Variants in SDC4 observed in about 807,000 individuals in gnomAD.
The protein encoded by SDC4 is syndecan 4.
Under a neutral mutation model 20.5 loss-of-function variants are expected in SDC4, and 17 were observed. The ratio of observed to expected loss-of-function variants is 0.83; its 90% CI spans 0.57 to 1.25. SDC4 has a LOEUF of 1.25. Ranked by LOEUF, SDC4 falls within the 50% of genes most tolerant of loss-of-function variation. SDC4 has a pLI of 0.00. For synonymous variants in SDC4, 107 were observed against 105.3 expected, an observed-to-expected ratio of 1.02 and a Z score of -0.10; for missense variants, 241 against 252.3, an observed-to-expected ratio of 0.96 and a Z score of 0.30.
chr20:45,335,865 G>A lies in SDC4; in HGVS notation c.116C>T (p.Ser39Phe). Residue 39 changes from serine (S) to phenylalanine (F), a missense_variant, in exon 2 of 5, where the codon TCC becomes TTC. Ser to Phe is a radical substitution (Grantham distance 155, BLOSUM62 -2). Coordinates refer to ENST00000372733, the MANE Select transcript of SDC4 (RefSeq NM_002999.4). The part of the protein sequence containing the change: ...PQDLLEGRYF[S>F]GALPDDEDVV... ...ATCCTCATCGTCTGGTAGGGCTCCG[G>A]AGAAGTATCGGCCTTCTAGGAGGTC... The A allele has an allele frequency of 6.2e-7, 1 of 1,613,994 alleles. No homozygotes were observed. Among genetic ancestry groups the A allele is most frequent in the Non-Finnish European group, 8.5e-7 (1 of 1,179,986 alleles).
chr20:45,336,046 G>A (rs1425519145), intron 1 of SDC4, 126 bp from the exon 2 acceptor site: 12 of 964,068 alleles, frequency 1.2e-5, no homozygotes, highest in African/African-American at 4.9e-5. Flanking sequence ...GGAGACCTGC[G>A]TCCTGGATCC....
At chr20:45,342,406 A>G (rs1987966481) in intron 1 of SDC4, among the ~76,000 whole-genome samples, 1 of 152,222 alleles carries the variant, frequency 6.6e-6, no homozygotes, top group Non-Finnish European at 1.5e-5. Flanking sequence ...CCCAGAGGCT[A>G]GAGTGACACC....
rs1176943228 is a variant in SDC4 at position 45,329,664 on chromosome 20, C to G, written c.445+702G>C. Among the ~76,000 whole-genome samples, 6 of 152,298 alleles carry G rather than the reference C, an allele frequency of 3.9e-5. No homozygotes were observed. In the East Asian group the frequency reaches 7.7e-4, roughly 20 times the overall value. ...GAGACAGGAGTTACCCAGCATGGGC[C>G]CAGGGTGCCCACTTGCCAGGCCGGT... On this transcript the variant is annotated intron_variant, in intron 4 of 4. Transcript: ENST00000372733.
At chr20:45,327,924 C>T (rs140827901) in intron 4 of SDC4, among the ~76,000 whole-genome samples, 150 of 152,352 alleles carry the variant, frequency 9.8e-4, no homozygotes, top group African/African-American at 3.5e-3. Context: ...CGTGAGCCAC[C>T]GCACTCGGCC....
At chr20:45,341,810 C>T (rs1026004179) in intron 1 of SDC4, among the ~76,000 whole-genome samples, 1 of 152,194 alleles carries the variant, frequency 6.6e-6, no homozygotes, top group South Asian at 2.1e-4. Flanking sequence ...AGGGTGCCAG[C>T]TAGAAATGGG....
At chr20:45,339,495 T>C (rs1051028597) in intron 1 of SDC4, among the ~76,000 whole-genome samples, 2 of 152,222 alleles carry the variant, frequency 1.3e-5, no homozygotes, top group African/African-American at 4.8e-5. Flanking sequence ...AGTGGCTTAA[T>C]CCCAACATTT....
chr20:45,344,426 C>CGCTAGCATGCAGTGACT (rs1315305899), intron 1 of SDC4, among the ~76,000 whole-genome samples: 1 of 152,214 alleles, frequency 6.6e-6, no homozygotes, highest in African/African-American at 2.4e-5. Context: ...AGGCAGGCTA[C>CGCTAGCATGCAGTGACT]GCTAGCATGC....
intron 1 of SDC4, among the ~76,000 whole-genome samples, chr20:45,341,745 G>T (rs1482461847): frequency 6.6e-6 from 1 of 152,116 alleles, no homozygotes; most frequent in Non-Finnish European, 1.5e-5. Flanking sequence ...CCTGCAACCA[G>T]CTTTTCACCA....
intron 4 of SDC4, among the ~76,000 whole-genome samples, chr20:45,328,432 C>G (rs925481534): frequency 5.9e-5 from 9 of 152,190 alleles, no homozygotes; most frequent in African/African-American, 2.2e-4. Context: ...TCTCAAGATT[C>G]ATTAACTGTA....
At position 45,325,706 on chromosome 20, in the gene SDC4, G is replaced by C. The variant is rs931291129; in HGVS notation, c.*1558C>G. ...CTCGTTAAGCCAGTTTAGTTCTCTA[G>C]AATAGTGCTGTCCAACAGATGGACA... On this transcript the variant is annotated 3_prime_UTR_variant, in exon 5 of 5. Coordinates refer to ENST00000372733, the MANE Select transcript of SDC4 (RefSeq NM_002999.4). The C allele has an allele frequency of 2.6e-5, 4 of 151,326 alleles. No homozygotes were observed. Among genetic ancestry groups the C allele is most frequent in the African/African-American group, 9.8e-5 (4 of 40,938 alleles). The allele number at this position is 151,326 out of a possible 1,614,324, so 9.4% of individuals were successfully genotyped here.
At chr20:45,341,277 G>C (rs1037712481) in intron 1 of SDC4, among the ~76,000 whole-genome samples, 1 of 152,212 alleles carries the variant, frequency 6.6e-6, no homozygotes, top group Admixed American at 6.5e-5. Context: ...CCTGGGGACA[G>C]GGAGATGGTG....
chr20:45,347,008 T>C (rs529970344), intron 1 of SDC4, among the ~76,000 whole-genome samples: 1 of 152,234 alleles, frequency 6.6e-6, no homozygotes. Flanking sequence ...TCAGGACCAG[T>C]TTAAGAACAG....
chr20:45,333,499 T>C (rs969678087), intron 2 of SDC4, among the ~76,000 whole-genome samples: 1 of 152,174 alleles, frequency 6.6e-6, no homozygotes, highest in African/African-American at 2.4e-5. Context: ...TGAAACCCCG[T>C]CTCTGCTGAA....
At chr20:45,330,894 T>C (rs1239040985) in intron 3 of SDC4, among the ~76,000 whole-genome samples, 1 of 152,246 alleles carries the variant, frequency 6.6e-6, no homozygotes, top group Non-Finnish European at 1.5e-5. Flanking sequence ...GCTTGCCCTT[T>C]AAGGTGGCAG....
At chr20:45,336,775 G>A (rs990269107) in intron 1 of SDC4, among the ~76,000 whole-genome samples, 2 of 151,948 alleles carry the variant, frequency 1.3e-5, no homozygotes, top group East Asian at 3.9e-4. Flanking sequence ...AGTCAGTCTG[G>A]GCCGGGACAG....
At chr20:45,336,800 C>T (rs1319166583) in intron 1 of SDC4, among the ~76,000 whole-genome samples, 1 of 152,078 alleles carries the variant, frequency 6.6e-6, no homozygotes, top group African/African-American at 2.4e-5. Flanking sequence ...GGCTGCCTCA[C>T]GCACACCCTA....
At chr20:45,335,695 G>C in intron 2 of SDC4, 87 bp downstream of exon 2, 1 of 1,424,312 alleles carries the variant, frequency 7.0e-7, no homozygotes, top group Non-Finnish European at 9.6e-7. Flanking sequence ...AAAAATCCAA[G>C]TCTCAAGGCA....
Position 45,326,383 on chromosome 20 carries a change from TAAAAAAAAAA to T in SDC4, c.*871_*880del, listed in dbSNP as rs35186241. On this transcript the variant is annotated 3_prime_UTR_variant, in exon 5 of 5. Transcript: ENST00000372733. ...AGGCCCTATCTAAAGCTATAAATAG[TAAAAAAAAAA>T]AAAAAAAAAAAAAATTAATAAAAAT... 1.0e-5 allele frequency: 1 copy of T among 97,708 alleles called. No homozygotes were observed. The highest frequency in any genetic ancestry group is 2.0e-5 in the Non-Finnish European group (1 of 49,042). The allele number at this position is 97,708 out of a possible 1,614,324, so 6.1% of individuals were successfully genotyped here.
intron 1 of SDC4, among the ~76,000 whole-genome samples, chr20:45,343,339 C>A (rs765730980): frequency 3.9e-5 from 6 of 152,134 alleles, no homozygotes; most frequent in Non-Finnish European, 7.4e-5. Flanking sequence ...CAACACCCCA[C>A]CCCTCAAAGT....
Sources: allele counts gnomAD v4.1 joint callset (sites outside exome capture counted in the v4.1 genomes callset), GRCh38; gene constraint gnomAD v4.1.1; transcripts MANE v1.5; gene names NCBI Gene and HGNC (gene_info 2026-07-23, HGNC 2026-07-21).